The following ETNK1 variants were observed in gnomAD, a reference collection of about 807,000 sequenced individuals.
ETNK1 encodes ethanolamine kinase 1, also known as putative protein product of Nbla10396.
Under a neutral mutation model 45.1 loss-of-function variants are expected in ETNK1, and 8 were observed. That is an observed-to-expected ratio of 0.18 (90% CI 0.10 to 0.32). The LOEUF (loss-of-function observed/expected upper bound fraction) is 0.32, where lower values mean the gene tolerates loss of function less well. Among genes scored for constraint, ETNK1 ranks in the 10% least tolerant of loss-of-function variants. The pLI is 1.00. For synonymous variants in ETNK1, 152 were observed against 151.9 expected (o/e 1.00, Z -0.01); for missense variants, 302 against 430.6 (o/e 0.70, Z 2.64).
In ETNK1 at chr12:22,651,350, T is replaced by A. The variant is rs184851673; in HGVS notation, c.416+7328T>A. 2.3e-3 allele frequency among the ~76,000 whole-genome samples: 356 copies of A among 152,324 alleles called. 4 individuals carry two copies. The highest frequency in any genetic ancestry group is 8.3e-3 in the African/African-American group (345 of 41,578). Reference sequence around the variant, plus strand: ...GAAGATGAAGGCTCCGTTGTGAACATACCTGACTTCCAGGTAGCCCTTTTC... The same window carrying A: ...GAAGATGAAGGCTCCGTTGTGAACAAACCTGACTTCCAGGTAGCCCTTTTC... On this transcript the variant is annotated intron_variant, in intron 2 of 7. Transcript: ENST00000266517.
At chr12:22,640,782 C>A (rs1332891792) in intron 1 of ETNK1, among the ~76,000 whole-genome samples, 3 of 152,092 alleles carry the variant, frequency 2.0e-5, no homozygotes, top group Admixed American at 6.5e-5. Context: ...TGTAGCAGAG[C>A]TGGGATTCAA....
At chr12:22,669,370 A>G (rs1300588896) in intron 4 of ETNK1, among the ~76,000 whole-genome samples, 1 of 152,062 alleles carries the variant, frequency 6.6e-6, no homozygotes, top group Non-Finnish European at 1.5e-5. Context: ...ACCTGTTAAT[A>G]GTTTAAACAT....
chr12:22,627,890 A>G (rs942953638), intron 1 of ETNK1, among the ~76,000 whole-genome samples: 3 of 152,068 alleles, frequency 2.0e-5, no homozygotes, highest in Non-Finnish European at 2.9e-5. Context: ...CAGAAAATAA[A>G]AAGAAAAAAA....
At position 22,671,620 on chromosome 12, in the gene ETNK1, C is replaced by T. The variant is rs146462755; in HGVS notation, c.784+265C>T. On this transcript the variant is annotated intron_variant, in intron 5 of 7. Coordinates refer to ENST00000266517, the MANE Select transcript of ETNK1 (RefSeq NM_018638.5). ...TTGGGAGGCCGAGGTGGGCGGATCA[C>T]GAGGTCAGGAGATTGAGACCATCCT... Among the ~76,000 whole-genome samples, 826 of 151,884 alleles carry T rather than the reference C, an allele frequency of 5.4e-3. 6 individuals are homozygous for T. Among genetic ancestry groups the T allele is most frequent in the African/African-American group, 0.019 (785 of 41,418 alleles).
At chr12:22,639,601 T>TG (rs1953708259) in intron 1 of ETNK1, among the ~76,000 whole-genome samples, 1 of 151,304 alleles carries the variant, frequency 6.6e-6, no homozygotes, top group South Asian at 2.1e-4. Context: ...CACTTGAACC[T>TG]GGGGGGCGGA....
intron 1 of ETNK1, among the ~76,000 whole-genome samples, chr12:22,635,591 T>A (rs942161919): frequency 8.5e-5 from 13 of 152,376 alleles, no homozygotes; most frequent in Non-Finnish European, 1.9e-4. Context: ...TTATTATCAT[T>A]CAGTTCAAAA....
chr12:22,625,758 C>G (rs758612496), intron 1 of ETNK1, 172 bp downstream of exon 1: 99 of 986,928 alleles, frequency 1.0e-4, no homozygotes, highest in Non-Finnish European at 1.4e-4. Flanking sequence ...GGTCACTCCC[C>G]CTTCCCGTCG....
chr12:22,649,776 A>T, intron 2 of ETNK1, among the ~76,000 whole-genome samples: 1 of 152,234 alleles, frequency 6.6e-6, no homozygotes, highest in South Asian at 2.1e-4. Flanking sequence ...TTGACAAATA[A>T]TAATTGTGTA....
At chr12:22,681,289 T>C (rs1301679098) in intron 6 of ETNK1, among the ~76,000 whole-genome samples, 1 of 151,850 alleles carries the variant, frequency 6.6e-6, no homozygotes, top group Non-Finnish European at 1.5e-5. Context: ...TTTATATAAG[T>C]ATATGAATAA....
chr12:22,684,293 C>T (rs143790335), intron 6 of ETNK1, among the ~76,000 whole-genome samples, 190 bp from the exon 7 acceptor site: 34 of 151,930 alleles, frequency 2.2e-4, no homozygotes, highest in African/African-American at 8.0e-4. Flanking sequence ...TTGGTGTTGA[C>T]GAAAGTGATC....
Position 22,630,586 on chromosome 12 carries a change from A to G in ETNK1, c.156+5000A>G, listed in dbSNP as rs1034012589. On this transcript the variant is annotated intron_variant, in intron 1 of 7. Coordinates refer to ENST00000266517, the MANE Select transcript of ETNK1 (RefSeq NM_018638.5). ...TTAGGACATCATGGGAAGCCACTGG[A>G]TATTTTTCTTTTTGTATTTTATTTT... Among the ~76,000 whole-genome samples, 4 of 151,978 alleles carry G rather than the reference A, an allele frequency of 2.6e-5. No homozygotes were observed. The East Asian group carries it at 7.7e-4, about 29-fold the overall frequency.
chr12:22,670,469 C>T (rs1376640321), intron 4 of ETNK1, among the ~76,000 whole-genome samples: 1 of 151,766 alleles, frequency 6.6e-6, no homozygotes, highest in East Asian at 1.9e-4. Flanking sequence ...ATATTCATTA[C>T]TCAAAAGTTA....
intron 2 of ETNK1, among the ~76,000 whole-genome samples, chr12:22,645,871 C>T (rs1953801712): frequency 6.6e-6 from 1 of 151,742 alleles, no homozygotes; most frequent in Non-Finnish European, 1.5e-5. Flanking sequence ...ACCCCCCTTC[C>T]TAGATTTACT....
intron 1 of ETNK1, chr12:22,639,040 ATTTG>A (rs1953694711): frequency 2.0e-5 from 3 of 152,202 alleles, no homozygotes; most frequent in South Asian, 2.1e-4. Context: ...TTTTATACGT[ATTTG>A]TTTGAGTTAG....
At chr12:22,653,234 G>A (rs1953899827) in intron 2 of ETNK1, among the ~76,000 whole-genome samples, 1 of 152,076 alleles carries the variant, frequency 6.6e-6, no homozygotes, top group African/African-American at 2.4e-5. Context: ...CTTTGTGACA[G>A]CACCATAATG....
chr12:22,649,301 C>T (rs973163742), intron 2 of ETNK1, among the ~76,000 whole-genome samples: 1 of 152,038 alleles, frequency 6.6e-6, no homozygotes, highest in African/African-American at 2.4e-5. Flanking sequence ...AATCCAGGGT[C>T]ATCTACATTT....
chr12:22,680,889 TTCCCCCG>T (rs1565449478), intron 6 of ETNK1, among the ~76,000 whole-genome samples: 1 of 67,374 alleles, frequency 1.5e-5, no homozygotes, highest in Non-Finnish European at 3.3e-5. Context: ...GGAGCTTTTC[TTCCCCCG>T]CCCCCCCCTC....
At position 22,685,259 on chromosome 12, in the gene ETNK1, G is replaced by A. The variant is rs562651938; in HGVS notation, c.*305G>A. The A allele has an allele frequency of 2.4e-4, 50 of 206,238 alleles. No homozygotes were observed. In the South Asian group the frequency reaches 7.1e-3, roughly 29 times the overall value. 12.8% of individuals were successfully genotyped at this position (206,238 alleles called of 1,614,324 possible). ...ATGTGAATTATTTATTATAAACTTA[G>A]CACGATTCTGTGACTGTTTTTCTCT... On this transcript the variant is annotated 3_prime_UTR_variant, in exon 8 of 8. Transcript: ENST00000266517.
At chr12:22,672,890 G>A (rs556036846) in intron 5 of ETNK1, among the ~76,000 whole-genome samples, 79 of 152,124 alleles carry the variant, frequency 5.2e-4, no homozygotes, top group Non-Finnish European at 7.6e-4. Context: ...AAATTTGTGG[G>A]GTAATGACTT....
Sources: allele counts gnomAD v4.1 joint callset (sites outside exome capture counted in the v4.1 genomes callset), GRCh38; gene constraint gnomAD v4.1.1; transcripts MANE v1.5; gene names NCBI Gene and HGNC (gene_info 2026-07-23, HGNC 2026-07-21).